Variants in IGFL2 observed in about 807,000 individuals in gnomAD.
The protein encoded by IGFL2 is IGF like family member 2.
A neutral mutation model predicts 13.9 loss-of-function variants in IGFL2; 7 were observed. The ratio of observed to expected loss-of-function variants is 0.51; its 90% CI spans 0.29 to 0.95. The LOEUF is 0.95. Among genes scored for constraint, IGFL2 ranks in the 40% least tolerant of loss-of-function variants. The pLI is 0.08. For synonymous variants in IGFL2, 55 were observed against 55.8 expected (o/e 0.99, Z 0.07); for missense variants, 138 against 147.8 (o/e 0.93, Z 0.34).
chr19:46,143,562 A>T (rs1279043922), upstream of IGFL2, among the ~76,000 whole-genome samples: 1 of 152,054 alleles, frequency 6.6e-6, no homozygotes, highest in Non-Finnish European at 1.5e-5. Flanking sequence ...CACCAGGCCC[A>T]GCCAGTAGTT....
the IGFL2 span, among the ~76,000 whole-genome samples, chr19:46,096,774 A>C: frequency 6.6e-6 from 1 of 152,184 alleles, no homozygotes. Flanking sequence ...CTATTGAGAT[A>C]ATTGTGTGGT....
the IGFL2 span, among the ~76,000 whole-genome samples, chr19:46,105,948 T>C: frequency 2.6e-5 from 4 of 152,258 alleles, no homozygotes; most frequent in African/African-American, 9.6e-5. Context: ...GGGTTGTTTT[T>C]TAAGGAATGG....
chr19:46,201,469 C>T, the IGFL2 span, among the ~76,000 whole-genome samples: 2 of 152,234 alleles, frequency 1.3e-5, no homozygotes, highest in Non-Finnish European at 2.9e-5. Flanking sequence ...TCCTAGAAGA[C>T]ATCGCTGGCC....
At chr19:46,132,114 C>T in the IGFL2 span, among the ~76,000 whole-genome samples, 1 of 152,130 alleles carries the variant, frequency 6.6e-6, no homozygotes, top group African/African-American at 2.4e-5. Context: ...TGAATTTTGT[C>T]ATTCACTTAA....
upstream of IGFL2, among the ~76,000 whole-genome samples, chr19:46,141,162 C>G (rs746107056): frequency 1.4e-4 from 21 of 152,198 alleles, no homozygotes; most frequent in Admixed American, 3.3e-4. Context: ...CAAGGCAGTT[C>G]ACTACACAAA....
At chr19:46,100,267 A>G in the IGFL2 span, among the ~76,000 whole-genome samples, 6 of 152,206 alleles carry the variant, frequency 3.9e-5, no homozygotes, top group African/African-American at 1.2e-4. Context: ...TCTAGTTTCA[A>G]TCTTTGAGGC....
the IGFL2 span, chr19:46,206,725 T>C: frequency 6.6e-6 from 1 of 152,230 alleles, no homozygotes; most frequent in Non-Finnish European, 1.5e-5. Flanking sequence ...ATGTATAAGA[T>C]ACCCATGTTG....
chr19:46,079,143 C>A, the IGFL2 span, among the ~76,000 whole-genome samples: 1 of 152,232 alleles, frequency 6.6e-6, no homozygotes, highest in Non-Finnish European at 1.5e-5. Context: ...GTAGACATCG[C>A]GCAGGCGATG....
chr19:46,137,106 G>A, the IGFL2 span: 1 of 1,608,018 alleles, frequency 6.2e-7, no homozygotes, highest in East Asian at 2.2e-5. Flanking sequence ...GGCCTCCCTA[G>A]GGTTGGGTTT....
At chr19:46,178,459 A>AT in the IGFL2 span, among the ~76,000 whole-genome samples, 5 of 152,154 alleles carry the variant, frequency 3.3e-5, no homozygotes, top group African/African-American at 4.8e-5. Context: ...CTACAAAGCC[A>AT]TTTTTTTATG....
At chr19:46,099,507 GTT>G in the IGFL2 span, among the ~76,000 whole-genome samples, 2 of 151,034 alleles carry the variant, frequency 1.3e-5, no homozygotes, top group Non-Finnish European at 3.0e-5. Context: ...GTTCTCGGAG[GTT>G]TTGTTTGCTC....
the IGFL2 span, among the ~76,000 whole-genome samples, chr19:46,089,711 T>C: frequency 6.6e-6 from 1 of 152,076 alleles, no homozygotes; most frequent in East Asian, 1.9e-4. Context: ...TTCCGAGAAG[T>C]CTGCTGGTGA....
At chr19:46,201,857 A>T in the IGFL2 span, among the ~76,000 whole-genome samples, 1 of 152,152 alleles carries the variant, frequency 6.6e-6, no homozygotes, top group African/African-American at 2.4e-5. Flanking sequence ...GTAAAGGATC[A>T]TTAACCTTGA....
chr19:46,212,242 C>A, the IGFL2 span: 1 of 152,218 alleles, frequency 6.6e-6, no homozygotes, highest in Non-Finnish European at 1.5e-5. Context: ...AAGGTGCGTG[C>A]TGAGCACTCT....
the IGFL2 span, chr19:46,137,582 G>T: frequency 1.2e-5 from 13 of 1,058,314 alleles, no homozygotes; most frequent in East Asian, 3.3e-4. Flanking sequence ...GCCAGATGCT[G>T]CAACAATACC....
chr19:46,102,838 T>C, the IGFL2 span, among the ~76,000 whole-genome samples: 1 of 152,016 alleles, frequency 6.6e-6, no homozygotes, highest in Non-Finnish European at 1.5e-5. Flanking sequence ...GGGGGTGGTA[T>C]GGAGAGATAA....
the IGFL2 span, chr19:46,197,258 T>C: frequency 2.6e-5 from 5 of 192,552 alleles, no homozygotes; most frequent in Non-Finnish European, 4.4e-5. Flanking sequence ...TCCTTGACCC[T>C]GACCTCAGAT....
upstream of IGFL2, among the ~76,000 whole-genome samples, chr19:46,141,780 A>G (rs546447960): frequency 2.6e-5 from 4 of 152,088 alleles, no homozygotes; most frequent in South Asian, 8.3e-4. Context: ...TATGCATCCC[A>G]CAGGACTCAT....
intron 1 of IGFL2, among the ~76,000 whole-genome samples, chr19:46,153,664 T>C (rs1375364063): frequency 1.3e-5 from 2 of 152,004 alleles, no homozygotes; most frequent in Non-Finnish European, 2.9e-5. Flanking sequence ...TATAATTGCT[T>C]ATATAATTAC....
Sources: gnomAD v4.1 joint callset for allele counts (sites outside exome capture counted in the v4.1 genomes callset) on GRCh38, gnomAD v4.1.1 for gene constraint, MANE v1.5 for transcripts, NCBI Gene and HGNC (gene_info 2026-07-23, HGNC 2026-07-21) for gene names.